The following PCDHGB4 variants were observed in gnomAD, a reference collection of about 807,000 sequenced individuals.
PCDHGB4 encodes protocadherin gamma-B4.
In PCDHGB4, 38 loss-of-function variants were observed where a neutral mutation model predicts 60.5. The observed-to-expected ratio is 0.63, with a 90% CI of 0.48 to 0.82. The LOEUF is 0.82. PCDHGB4 is among the 40% of genes least tolerant of loss of function. The probability of loss-of-function intolerance (pLI) is 0.00; values close to 1 mark genes in which losing one functional copy is unlikely to be tolerated. For missense variants in PCDHGB4, 1,109 were observed against 1,209.6 expected, an observed-to-expected ratio of 0.92 and a Z score of 1.23; for synonymous variants, 456 against 509.7, an observed-to-expected ratio of 0.89 and a Z score of 1.42.
chr5:141,441,891 G>A, intron 1 of PCDHGB4: 1 of 348,040 alleles, frequency 2.9e-6, no homozygotes, highest in East Asian at 9.1e-5. Flanking sequence ...TCACCAAGGT[G>A]GTGGCTGTAG....
At chr5:141,433,298 A>G in intron 1 of PCDHGB4, 7 of 1,015,894 alleles carry the variant, frequency 6.9e-6, no homozygotes, top group Non-Finnish European at 1.0e-5. Context: ...GGCTCAAGCA[A>G]TTATCCCACC....
chr5:141,417,783 C>T, intron 1 of PCDHGB4: 1 of 1,474,286 alleles, frequency 6.8e-7, no homozygotes, highest in Non-Finnish European at 9.0e-7. Flanking sequence ...TGTCCTGGGC[C>T]GAATGCTCTT....
chr5:141,411,806 C>G (rs1276116820), intron 1 of PCDHGB4: 1 of 151,860 alleles, frequency 6.6e-6, no homozygotes, highest in Non-Finnish European at 1.5e-5. Flanking sequence ...CGCTTGAGCC[C>G]AGGAAGTCTA....
intron 1 of PCDHGB4, among the ~76,000 whole-genome samples, chr5:141,456,714 C>T (rs1456452530): frequency 6.6e-6 from 1 of 152,176 alleles, no homozygotes; most frequent in Non-Finnish European, 1.5e-5. Flanking sequence ...CCTGTAATCC[C>T]AGCACTTTGG....
chr5:141,417,647 C>G, intron 1 of PCDHGB4: 8 of 812,384 alleles, frequency 9.8e-6, no homozygotes, highest in Non-Finnish European at 1.5e-5. Flanking sequence ...ATCCCTCAGC[C>G]TCTAGCCTGG....
At chr5:141,408,248 G>A in intron 1 of PCDHGB4, 1 of 1,593,412 alleles carries the variant, frequency 6.3e-7, no homozygotes, top group East Asian at 2.3e-5. Context: ...CCCGCGGCAG[G>A]TGCTATTTCC....
At chr5:141,416,576 A>C (rs1300203182) in intron 1 of PCDHGB4, 2 of 152,204 alleles carry the variant, frequency 1.3e-5, no homozygotes, top group Non-Finnish European at 2.9e-5. Flanking sequence ...TGAAATTGAG[A>C]GGCAAAATAA....
intron 3 of PCDHGB4, among the ~76,000 whole-genome samples, chr5:141,506,444 CAAAAAAAAAA>C (rs1219684339): frequency 8.4e-5 from 8 of 95,030 alleles, no homozygotes; most frequent in Non-Finnish European, 1.3e-4. Context: ...CGCTCTGTCT[CAAAAAAAAAA>C]AAAAAAAAAA....
intron 3 of PCDHGB4, among the ~76,000 whole-genome samples, chr5:141,507,617 C>T (rs1366723844): frequency 6.6e-6 from 1 of 152,278 alleles, no homozygotes; most frequent in African/African-American, 2.4e-5. Context: ...GTATATTTAG[C>T]TGTTGTGGCC....
At position 141,433,188 on chromosome 5, in the gene PCDHGB4, G is replaced by A. The variant is rs2097573612; in HGVS notation, c.2397+42907G>A. The A allele has an allele frequency of 2.5e-6, 4 of 1,583,816 alleles. No homozygotes were observed. The South Asian group carries it at 3.5e-5, about 14-fold the overall frequency. On this transcript the variant is annotated intron_variant, in intron 1 of 3. Coordinates refer to ENST00000519479, the MANE Select transcript of PCDHGB4 (RefSeq NM_003736.4). ...GACAGTCATGGGTTAATTGAGGTGA[G>A]TTTATATCAAATCTTCTTTCTTTTT...
chr5:141,404,499 C>T lies in PCDHGB4; in HGVS notation c.2397+14218C>T, dbSNP rs147632103. ...AACTCAGACACTGGTGTGCTGTATG[C>T]TCTGTGCTCCTTTGACTATGAGCAG... On this transcript the variant is annotated intron_variant, in intron 1 of 3. Coordinates refer to ENST00000519479, the MANE Select transcript of PCDHGB4 (RefSeq NM_003736.4). 1.0e-4 allele frequency: 163 copies of T among 1,613,840 alleles called. 1 individual carries two copies. The East Asian group carries it at 3.6e-3, about 36-fold the overall frequency.
At position 141,487,728 on chromosome 5, in the gene PCDHGB4, C is replaced by T. The variant is rs986276637; in HGVS notation, c.2398-7079C>T. 2 of 1,570,444 alleles carry T rather than the reference C, an allele frequency of 1.3e-6. No homozygotes were observed. Among genetic ancestry groups the T allele is most frequent in the East Asian group, 2.3e-5 (1 of 42,866 alleles). ...TCAGTAAGTGCCCATAGTGATGTCA[C>T]CATTTTTGTAAGAGGTAACTATGTG... On this transcript the variant is annotated intron_variant, in intron 1 of 3. Coordinates refer to ENST00000519479, the MANE Select transcript of PCDHGB4 (RefSeq NM_003736.4). The surrounding 1 kb of genome is among the most constrained non-coding windows in gnomAD (Gnocchi z 5.0).
In PCDHGB4 at chr5:141,422,911, G is replaced by C. The variant is rs375046528; in HGVS notation, c.2397+32630G>C. ...GCTGGACCAGAACGACAATGCGCCC[G>C]AGATCCTGTACCCTGCCCTCCCCAC... On this transcript the variant is annotated intron_variant, in intron 1 of 3. Transcript: ENST00000519479. 41 of 1,614,236 alleles carry C rather than the reference G, an allele frequency of 2.5e-5. No individual in the cohort carries two copies. Among genetic ancestry groups the C allele is most frequent in the Non-Finnish European group, 3.2e-5 (38 of 1,180,046 alleles).
intron 1 of PCDHGB4, chr5:141,423,349 T>A (rs2096733716): frequency 6.2e-7 from 1 of 1,614,196 alleles, no homozygotes; most frequent in East Asian, 2.2e-5. Context: ...CTTCCTGGTC[T>A]TTGTCATCGT....
At chr5:141,421,829 T>G in intron 1 of PCDHGB4, 5 of 1,613,784 alleles carry the variant, frequency 3.1e-6, no homozygotes, top group Non-Finnish European at 4.2e-6. Context: ...GAGGGAAGCC[T>G]GGACCGAGAG....
chr5:141,417,618 G>C, intron 1 of PCDHGB4: 3 of 654,348 alleles, frequency 4.6e-6, no homozygotes, highest in Non-Finnish European at 7.4e-6. Flanking sequence ...CCAGTGCAGA[G>C]CAAGCGCTGA....
At chr5:141,507,447 G>A (rs998019159) in intron 3 of PCDHGB4, among the ~76,000 whole-genome samples, 1 of 152,226 alleles carries the variant, frequency 6.6e-6, no homozygotes, top group Non-Finnish European at 1.5e-5. Flanking sequence ...GCTGACGGAA[G>A]GACAGAGAGA....
rs761718852 is a variant in PCDHGB4, at chr5:141,432,440, G to A, written c.2397+42159G>A. ...GCTGGACCAGAACGACAATGCGCCCGAGATCCTGTACCCCGCCCTCCCCAC... is the reference window on the plus strand; with the variant it reads ...GCTGGACCAGAACGACAATGCGCCCAAGATCCTGTACCCCGCCCTCCCCAC... On this transcript the variant is annotated intron_variant, in intron 1 of 3. Transcript: ENST00000519479. The surrounding 1 kb of genome is among the most constrained non-coding windows in gnomAD (Gnocchi z 6.0). 1.3e-5 allele frequency: 21 copies of A among 1,614,226 alleles called. No homozygotes were observed. Among genetic ancestry groups the A allele is most frequent in the Non-Finnish European group, 1.6e-5 (19 of 1,180,048 alleles).
intron 1 of PCDHGB4, chr5:141,423,839 A>C: frequency 7.8e-7 from 1 of 1,279,970 alleles, no homozygotes; most frequent in Admixed American, 3.8e-5. Flanking sequence ...AGATTACGAT[A>C]ATCTTTCAGA....
Sources: gnomAD v4.1 joint callset for allele counts (sites outside exome capture counted in the v4.1 genomes callset) on GRCh38, gnomAD v4.1.1 for gene constraint, Gnocchi (gnomAD v3.1) non-coding constraint, MANE v1.5 for transcripts, NCBI Gene and HGNC (gene_info 2026-07-23, HGNC 2026-07-21) for gene names.